The following KPNB1 variants were observed in gnomAD, a reference collection of about 807,000 sequenced individuals.
KPNB1 encodes importin subunit beta-1.
Under a neutral mutation model 113.0 loss-of-function variants are expected in KPNB1, and 7 were observed. The ratio of observed to expected loss-of-function variants is 0.06; its 90% CI spans 0.04 to 0.12. KPNB1 has a LOEUF of 0.12. Ranked by LOEUF, KPNB1 falls within the 10% of genes least tolerant of loss-of-function variation. The pLI, the probability that KPNB1 is intolerant of heterozygous loss-of-function variation, is 1.00. For missense variants in KPNB1, 400 were observed against 1,054.8 expected (o/e 0.38, Z 8.60); for synonymous variants, 363 against 378.6 (o/e 0.96, Z 0.48).
At chr17:47,650,584 A>G (rs553005933) in intron 2 of KPNB1, 140 bp downstream of exon 2, 19 of 591,074 alleles carry the variant, frequency 3.2e-5, no homozygotes, top group Middle Eastern at 4.5e-4. Flanking sequence ...TCCCCCCCCA[A>G]CCCGGTCCAA....
chr17:47,672,916 G>A, intron 12 of KPNB1, 102 bp from the exon 13 acceptor site: 1 of 1,089,996 alleles, frequency 9.2e-7, no homozygotes, highest in Non-Finnish European at 1.3e-6. Flanking sequence ...CAGGTCTGCA[G>A]ACATACCGGT....
At chr17:47,658,283 T>C (rs1179749212) in intron 4 of KPNB1, among the ~76,000 whole-genome samples, 2 of 152,146 alleles carry the variant, frequency 1.3e-5, no homozygotes, top group Non-Finnish European at 2.9e-5. Context: ...ATACTTACAA[T>C]ACCTAATTCA....
chr17:47,676,529 T>C (rs2030618326), intron 16 of KPNB1, 38 bp downstream of exon 16: 1 of 1,458,026 alleles, frequency 6.9e-7, no homozygotes, highest in African/African-American at 1.4e-5. Flanking sequence ...TTCCCATTTA[T>C]ATCTGACAGT....
At chr17:47,663,299 C>T (rs1012304436) in intron 7 of KPNB1, 121 bp downstream of exon 7, 91 of 635,838 alleles carry the variant, frequency 1.4e-4, no homozygotes, top group Non-Finnish European at 1.5e-4. Context: ...GGAAATTCCT[C>T]GAGACTGTTC....
chr17:47,669,498 GTTTTGAAAGATATTTTCAAATA>G (rs746678075), intron 10 of KPNB1, among the ~76,000 whole-genome samples, 158 bp from the exon 11 acceptor site: 151 of 152,144 alleles, frequency 9.9e-4, no homozygotes, highest in Non-Finnish European at 1.4e-3. Flanking sequence ...CTAAACTGGA[GTTTTGAAAGATATTTTCAAATA>G]TTTTGAAAGA....
rs2030825125 is a variant in KPNB1 at position 47,682,829 on chromosome 17, C to G, written c.*425C>G. On this transcript the variant is annotated 3_prime_UTR_variant, in exon 22 of 22. Coordinates refer to ENST00000290158, the MANE Select transcript of KPNB1 (RefSeq NM_002265.6). ...GCTTTGTTGTAAAAGGCAGCCTGGC[C>G]TTTGCTACTGAGGAGAAAGATGGAG... 1 of 207,472 alleles carries G rather than the reference C, an allele frequency of 4.8e-6. No homozygotes were observed. Among genetic ancestry groups the G allele is most frequent in the Admixed American group, 5.3e-5 (1 of 18,912 alleles). 12.9% of individuals were successfully genotyped at this position (207,472 alleles called of 1,614,324 possible). A position where few individuals can be genotyped will look rare whatever the true frequency, so the allele number is the denominator to read the frequency against.
intron 14 of KPNB1, among the ~76,000 whole-genome samples, chr17:47,674,091 A>G (rs2030527321): frequency 6.6e-6 from 1 of 152,122 alleles, no homozygotes; most frequent in African/African-American, 2.4e-5. Flanking sequence ...TTGAATTTGT[A>G]CCGTCATCTT....
chr17:47,683,090 T>TAAAAAAAAAAAAA lies in KPNB1; in HGVS notation c.*703_*715dup, dbSNP rs1157291179. 7.0e-4 allele frequency: 12 copies of TAAAAAAAAAAAAA among 17,256 alleles called. 3 individuals carry two copies. The highest frequency in any genetic ancestry group is 6.6e-3 in the East Asian group (3 of 454). The allele number at this position is 17,256 out of a possible 1,614,324, so 1.1% of individuals were successfully genotyped here. ...GTTTACTGATGCAGCACAAGAGATG[T>TAAAAAAAAAAAAA]AAAAAAAAAAAAAAAAAAAAAAAAA... On this transcript the variant is annotated 3_prime_UTR_variant, in exon 22 of 22. Transcript: ENST00000290158.
chr17:47,664,098 TG>T, intron 7 of KPNB1, 60 bp from the exon 8 acceptor site: 1 of 988,198 alleles, frequency 1.0e-6, no homozygotes, highest in Non-Finnish European at 1.6e-6. Flanking sequence ...AAAGCCGGGT[TG>T]GGGCAGGGAC....
In KPNB1 at chr17:47,650,390, G is replaced by A. The variant is rs768300177; in HGVS notation, c.45G>A (p.Arg15=). 5.0e-6 allele frequency: 8 copies of A among 1,611,008 alleles called. No homozygotes were observed. The Admixed American group carries it at 1.0e-4, about 20-fold the overall frequency. The change falls in exon 2 of 22, where the codon CGG becomes CGA. Residue 15 remains arginine, a synonymous_variant. Transcript: ENST00000290158. The part of the protein sequence containing the change: ...TILEKTVSPD[R]LELEAAQKFL... ...CTCCCACTTTCCTCCCCCTAGATCG[G>A]CTGGAGCTGGAAGCGGCGCAGAAGT...
chr17:47,676,520 TC>T, intron 16 of KPNB1, 29 bp downstream of exon 16: 1 of 1,516,858 alleles, frequency 6.6e-7, no homozygotes, highest in Non-Finnish European at 9.2e-7. Context: ...AATAGTATGT[TC>T]CCATTTATAT....
chr17:47,659,041 C>T (rs1597925469), intron 5 of KPNB1, among the ~76,000 whole-genome samples: 2 of 151,744 alleles, frequency 1.3e-5, no homozygotes, highest in South Asian at 2.1e-4. Flanking sequence ...AGTCAGATAT[C>T]GTCCCTTAAA....
chr17:47,677,573 G>T (rs899979135), intron 17 of KPNB1, among the ~76,000 whole-genome samples: 3 of 151,780 alleles, frequency 2.0e-5, no homozygotes, highest in Non-Finnish European at 2.9e-5. Context: ...TTTCACAGAT[G>T]ACTCTGAAGA....
At position 47,664,287 on chromosome 17, in the gene KPNB1, A is replaced by G; in HGVS notation, c.897+18A>G. 1 of 1,409,030 alleles carries G rather than the reference A, an allele frequency of 7.1e-7. No individual in the cohort carries two copies. The highest frequency in any genetic ancestry group is 1.0e-6 in the Non-Finnish European group (1 of 993,222). 87.3% of individuals were successfully genotyped at this position (1,409,030 alleles called of 1,614,324 possible). On this transcript the variant is annotated intron_variant, in intron 8 of 21. Coordinates refer to ENST00000290158, the MANE Select transcript of KPNB1 (RefSeq NM_002265.6). ...CTTCAGAGGTGAGCTGGGGAGAACTATTACTCTGAATACGCTTTGGGACAT... is the reference window on the plus strand; with the variant it reads ...CTTCAGAGGTGAGCTGGGGAGAACTGTTACTCTGAATACGCTTTGGGACAT...
At chr17:47,675,631 A>G (rs772038838) in intron 15 of KPNB1, among the ~76,000 whole-genome samples, 3 of 151,986 alleles carry the variant, frequency 2.0e-5, no homozygotes, top group Non-Finnish European at 4.4e-5. Flanking sequence ...GGTGCCTGGT[A>G]TGGGATGAAA....
At chr17:47,667,248 C>T (rs2030315501) in intron 9 of KPNB1, among the ~76,000 whole-genome samples, 2 of 152,234 alleles carry the variant, frequency 1.3e-5, no homozygotes, top group South Asian at 2.1e-4. Flanking sequence ...GCCTCAGCCT[C>T]CCGAGTAGCT....
chr17:47,678,248 G>C, intron 18 of KPNB1, 59 bp downstream of exon 18: 2 of 1,611,298 alleles, frequency 1.2e-6, no homozygotes, highest in Non-Finnish European at 1.7e-6. Context: ...AGGGACTATT[G>C]ACAAACATGC....
At chr17:47,665,344 T>C (rs2030236209) in intron 9 of KPNB1, among the ~76,000 whole-genome samples, 186 bp downstream of exon 9, 1 of 152,242 alleles carries the variant, frequency 6.6e-6, no homozygotes, top group Admixed American at 6.5e-5. Flanking sequence ...GAAGGAGAAC[T>C]GAGTCTTAAC....
chr17:47,654,558 C>T (rs1597922629), intron 3 of KPNB1, among the ~76,000 whole-genome samples: 1 of 151,798 alleles, frequency 6.6e-6, no homozygotes, highest in East Asian at 1.9e-4. Context: ...TGTTGGTGAT[C>T]TTTTTTGAAA....
Sources: allele counts gnomAD v4.1 joint callset (sites outside exome capture counted in the v4.1 genomes callset), GRCh38; gene constraint gnomAD v4.1.1; transcripts MANE v1.5; gene names NCBI Gene and HGNC (gene_info 2026-07-23, HGNC 2026-07-21).